Variants in TNRC6A observed in about 807,000 individuals in gnomAD.
TNRC6A encodes trinucleotide repeat containing adaptor 6A.
Under a neutral mutation model 221.2 loss-of-function variants are expected in TNRC6A, and 44 were observed. That is an observed-to-expected ratio of 0.20 (90% CI 0.16 to 0.26). The LOEUF is 0.26. Among genes scored for constraint, TNRC6A ranks in the 10% least tolerant of loss-of-function variants. The probability of loss-of-function intolerance (pLI) is 1.00; values close to 1 mark genes in which losing one functional copy is unlikely to be tolerated. For synonymous variants in TNRC6A, 847 were observed against 838.5 expected, an observed-to-expected ratio of 1.01 and a Z score of -0.18; for missense variants, 2,199 against 2,404.4, an observed-to-expected ratio of 0.91 and a Z score of 1.79.
intron 1 of TNRC6A, among the ~76,000 whole-genome samples, chr16:24,615,817 G>C (rs1193079242): frequency 6.6e-6 from 1 of 152,066 alleles, no homozygotes; most frequent in African/African-American, 2.4e-5. Context: ...CTTGAGGCCA[G>C]GAGTATGAGA....
intron 2 of TNRC6A, among the ~76,000 whole-genome samples, chr16:24,723,530 G>A (rs1266119178): frequency 6.6e-6 from 1 of 150,578 alleles, no homozygotes; most frequent in African/African-American, 2.4e-5. Context: ...GGAGGTGAAG[G>A]TTGCAGTGAG....
intron 2 of TNRC6A, chr16:24,671,181 T>C: frequency 5.5e-6 from 1 of 180,890 alleles, no homozygotes; most frequent in Non-Finnish European, 1.2e-5. Flanking sequence ...TCACTGTGTC[T>C]AAACCATTTG....
rs143087899 is a variant in TNRC6A at position 24,791,437 on chromosome 16, T to C, written c.2795T>C (p.Leu932Pro). ...GACCCTCCAAAGTCTAATCAGTCTC[T>C]AGGTTGGGGAGATTCGTCAAAGCCA... ...WGDPPKSNQS[L>P]GWGDSSKPVS... Residue 932 changes from leucine to proline, a missense_variant, in exon 6 of 25, where the codon CTA becomes CCA. Transcript: ENST00000395799. The C allele has an allele frequency of 7.8e-6, 12 of 1,535,778 alleles. No homozygotes were observed. The African/African-American group carries it at 1.7e-4, about 21-fold the overall frequency.
intron 2 of TNRC6A, among the ~76,000 whole-genome samples, chr16:24,717,787 T>C (rs1311861753): frequency 6.7e-6 from 1 of 149,604 alleles, no homozygotes; most frequent in East Asian, 1.9e-4. Context: ...TTTTTTTTTT[T>C]TTGAGAAGGA....
intron 11 of TNRC6A, among the ~76,000 whole-genome samples, chr16:24,799,267 C>A (rs2058283625): frequency 6.6e-6 from 1 of 152,154 alleles, no homozygotes; most frequent in Non-Finnish European, 1.5e-5. Context: ...ACAGAGCAAT[C>A]CAAAAGGGTA....
chr16:24,665,766 T>G (rs1380963624), intron 2 of TNRC6A, among the ~76,000 whole-genome samples: 1 of 152,166 alleles, frequency 6.6e-6, no homozygotes, highest in Non-Finnish European at 1.5e-5. Flanking sequence ...GGTCAAAATC[T>G]CCTCTGGTTG....
chr16:24,633,853 G>C (rs1901483715), intron 1 of TNRC6A, among the ~76,000 whole-genome samples: 1 of 151,348 alleles, frequency 6.6e-6, no homozygotes, highest in South Asian at 2.1e-4. Context: ...CATGGTCTCA[G>C]CTCCCTGCAA....
chr16:24,766,229 C>G (rs942289397), intron 4 of TNRC6A, among the ~76,000 whole-genome samples: 1 of 152,140 alleles, frequency 6.6e-6, no homozygotes, highest in Non-Finnish European at 1.5e-5. Flanking sequence ...ATTTACTAGA[C>G]GTTCGAGCAT....
chr16:24,620,824 G>A (rs1203247036), intron 1 of TNRC6A, among the ~76,000 whole-genome samples: 2 of 151,316 alleles, frequency 1.3e-5, no homozygotes, highest in Non-Finnish European at 2.9e-5. Context: ...AGTGGCTCAC[G>A]CCTGTAATCC....
At chr16:24,817,203 A>G (rs962935247) in intron 20 of TNRC6A, among the ~76,000 whole-genome samples, 2 of 152,178 alleles carry the variant, frequency 1.3e-5, no homozygotes, top group African/African-American at 4.8e-5. Flanking sequence ...TAATTTGGCT[A>G]CTTTTTAAAT....
At position 24,818,692 on chromosome 16, in the gene TNRC6A, G is replaced by A; in HGVS notation, c.5072G>A (p.Ser1691Asn). The A allele has an allele frequency of 6.2e-7, 1 of 1,613,990 alleles. No homozygotes were observed. Among genetic ancestry groups the A allele is most frequent in the East Asian group, 2.2e-5 (1 of 44,880 alleles). ...GTTCCCCTCAGCAGTACAGCACAAA[G>A]CACTTCAGGTGGGCCTCGCCTTCGC... ...YNVPLSSTAQ[S>N]TSARNSDSKL... The change falls in exon 21 of 25, where the codon AGC (serine) becomes AAC (asparagine). Residue 1691 changes from serine (S) to asparagine (N), a missense_variant. Coordinates refer to ENST00000395799, the MANE Select transcript of TNRC6A (RefSeq NM_014494.4).
intron 2 of TNRC6A, among the ~76,000 whole-genome samples, chr16:24,675,602 A>G (rs1596651844): frequency 6.8e-6 from 1 of 146,488 alleles, no homozygotes; most frequent in African/African-American, 2.5e-5. Context: ...AATTGCTTGG[A>G]CCCAGGAGGC....
chr16:24,806,482 C>T (rs984842603), intron 16 of TNRC6A, 92 bp from the exon 17 acceptor site: 14 of 1,495,276 alleles, frequency 9.4e-6, no homozygotes, highest in African/African-American at 4.1e-5. Flanking sequence ...TCTGCTGAGA[C>T]GAAAGTGAAT....
rs182903986 is a variant in TNRC6A at position 24,730,630 on chromosome 16, T to C, written c.53+330T>C. ...GTTGCAGGCATTGTGTGACTCATGA[T>C]TGAGGCGGCCCTTATGGCGGGCTGT... On this transcript the variant is annotated intron_variant, in intron 2 of 24. Transcript: ENST00000395799. 1.6e-4 allele frequency among the ~76,000 whole-genome samples: 25 copies of C among 152,214 alleles called. No homozygotes were observed. The East Asian group carries it at 3.1e-3, about 19-fold the overall frequency.
rs1402668234 is a variant in TNRC6A, at chr16:24,818,672, C to T, written c.5052C>T (p.Pro1684=). The T allele has an allele frequency of 3.1e-6, 5 of 1,614,162 alleles. No homozygotes were observed. The highest frequency in any genetic ancestry group is 1.1e-5 in the South Asian group (1 of 91,080). ...TTCGTGCCTCCAACTACAACGTTCC[C>T]CTCAGCAGTACAGCACAAAGCACTT... is the stretch of plus-strand genomic sequence containing the variant. ...SSIRASNYNV[P]LSSTAQSTSA... is the part of the protein sequence containing the mutation. The change falls in exon 21 of 25, where the codon CCC becomes CCT. Residue 1684 remains proline (P), a synonymous_variant. Transcript: ENST00000395799.
intron 17 of TNRC6A, among the ~76,000 whole-genome samples, chr16:24,808,872 A>G (rs1187160101): frequency 6.6e-6 from 1 of 152,206 alleles, no homozygotes; most frequent in East Asian, 1.9e-4. Flanking sequence ...TGACCACTGT[A>G]TCTAAGGTTG....
At position 24,791,393 on chromosome 16, in the gene TNRC6A, T is replaced by G. The variant is rs751749993; in HGVS notation, c.2751T>G (p.Thr917=). 1.9e-6 allele frequency: 3 copies of G among 1,571,090 alleles called. No homozygotes were observed. Among genetic ancestry groups the G allele is most frequent in the Non-Finnish European group, 2.6e-6 (3 of 1,159,810 alleles). The change falls in exon 6 of 25, where the codon ACT becomes ACG. Residue 917 remains threonine (T), a synonymous_variant. Coordinates refer to ENST00000395799, the MANE Select transcript of TNRC6A (RefSeq NM_014494.4). ...GATGGGATGAATCTTCTAAACCTAC[T>G]CCTTCCCAGGGATGGGGAGACCCTC... ...SSGWDESSKP[T]PSQGWGDPPK... is the part of the protein sequence containing the mutation.
In TNRC6A at chr16:24,823,124, G is replaced by T; in HGVS notation, c.5513+111G>T. 2 of 1,426,488 alleles carry T rather than the reference G, an allele frequency of 1.4e-6. No homozygotes were observed. Among genetic ancestry groups the T allele is most frequent in the Non-Finnish European group, 1.9e-6 (2 of 1,030,924 alleles). The allele number at this position is 1,426,488 out of a possible 1,614,324, so 88.4% of individuals were successfully genotyped here. ...CCTGCGTGGGTGGCTCCTGCTGGCT[G>T]CAGTAGTGCCCTGATTCCAAGGTCG... On this transcript the variant is annotated intron_variant, in intron 24 of 24. Coordinates refer to ENST00000395799, the MANE Select transcript of TNRC6A (RefSeq NM_014494.4). This position sits in a 1 kb window ranked among gnomAD's most constrained non-coding sequence, Gnocchi z 4.3.
chr16:24,707,359 C>G (rs1421331769), intron 2 of TNRC6A, among the ~76,000 whole-genome samples: 1 of 125,478 alleles, frequency 8.0e-6, no homozygotes, highest in Non-Finnish European at 1.6e-5. Flanking sequence ...CGCACACACA[C>G]ACACACACAC....
Sources: allele counts gnomAD v4.1 joint callset (sites outside exome capture counted in the v4.1 genomes callset), GRCh38; gene constraint gnomAD v4.1.1; non-coding constraint Gnocchi (gnomAD v3.1); transcripts MANE v1.5; gene names NCBI Gene and HGNC (gene_info 2026-07-23, HGNC 2026-07-21).